The following MYO1E variants were observed in gnomAD, a reference collection of about 807,000 sequenced individuals.
MYO1E encodes the protein unconventional myosin-Ie.
MYO1E carries 68 observed loss-of-function variants against 151.1 expected under a neutral mutation model. The observed-to-expected ratio is 0.45, with a 90% CI of 0.37 to 0.55. MYO1E has a LOEUF of 0.55. Ranked by LOEUF, MYO1E falls within the 20% of genes least tolerant of loss-of-function variation. The probability of loss-of-function intolerance (pLI) is 0.00; values close to 1 mark genes in which losing one functional copy is unlikely to be tolerated. For synonymous variants in MYO1E, 601 were observed against 501.7 expected, an observed-to-expected ratio of 1.20 and a Z score of -2.64; for missense variants, 1,363 against 1,389.3, an observed-to-expected ratio of 0.98 and a Z score of 0.30.
intron 16 of MYO1E, among the ~76,000 whole-genome samples, chr15:59,197,077 C>A (rs2140331069): frequency 7.6e-6 from 1 of 130,726 alleles, no homozygotes; most frequent in East Asian, 2.9e-4. Flanking sequence ...ATTGCAACCT[C>A]TGCCTCCCGA....
At chr15:59,347,090 C>CG (rs1313233717) in intron 1 of MYO1E, among the ~76,000 whole-genome samples, 2 of 152,106 alleles carry the variant, frequency 1.3e-5, no homozygotes, top group African/African-American at 4.8e-5. Flanking sequence ...TTCCCAACCC[C>CG]GGGGCCATGG....
intron 1 of MYO1E, among the ~76,000 whole-genome samples, chr15:59,288,293 G>C (rs111805425): frequency 3.9e-5 from 6 of 151,924 alleles, no homozygotes; most frequent in Admixed American, 1.3e-4. Flanking sequence ...CTTCTGCCTC[G>C]GCCTACCGAG....
chr15:59,215,457 C>T (rs1182688489), intron 10 of MYO1E, among the ~76,000 whole-genome samples: 1 of 151,976 alleles, frequency 6.6e-6, no homozygotes, highest in African/African-American at 2.4e-5. Flanking sequence ...CAGTATGATG[C>T]CTAAATCTGT....
At chr15:59,293,289 A>G (rs186380069) in intron 1 of MYO1E, among the ~76,000 whole-genome samples, 1 of 152,266 alleles carries the variant, frequency 6.6e-6, no homozygotes, top group East Asian at 1.9e-4. Context: ...AACTCATTCA[A>G]TTGTCCCAAC....
intron 6 of MYO1E, among the ~76,000 whole-genome samples, chr15:59,230,773 A>G (rs757753579): frequency 1.3e-5 from 2 of 152,238 alleles, no homozygotes; most frequent in African/African-American, 2.4e-5. Context: ...CTTCTTTCCA[A>G]AATAGACAGT....
At position 59,236,363 on chromosome 15, in the gene MYO1E, A is replaced by AAATATAT. The variant is rs1387709265; in HGVS notation, c.420+221_420+222insATATATT. On this transcript the variant is annotated intron_variant, in intron 5 of 27. Transcript: ENST00000288235. ...TCTGTCTCAAAAAAGAAAAAAAAAAAATATATACACACACACACACACACA... is the reference window on the plus strand; with the variant it reads ...TCTGTCTCAAAAAAGAAAAAAAAAAAAATATATATATATACACACACACACACACACA... 1.9e-3 allele frequency among the ~76,000 whole-genome samples: 114 copies of AAATATAT among 60,812 alleles called. 1 individual carries two copies. The East Asian group carries it at 0.021, about 11-fold the overall frequency. The allele number at this position is 60,812 out of a possible 152,430, so 39.9% of individuals were successfully genotyped here.
intron 1 of MYO1E, among the ~76,000 whole-genome samples, chr15:59,323,748 C>T (rs1245796304): frequency 6.6e-6 from 1 of 151,990 alleles, no homozygotes; most frequent in Non-Finnish European, 1.5e-5. Context: ...GCTACAGGGC[C>T]CCAGCACACT....
intron 1 of MYO1E, among the ~76,000 whole-genome samples, chr15:59,345,522 T>G (rs1023736952): frequency 2.0e-5 from 3 of 152,214 alleles, no homozygotes; most frequent in Non-Finnish European, 4.4e-5. Context: ...TTGCCCAGCT[T>G]TACCAGCTTA....
chr15:59,279,241 T>A (rs1169361097), intron 1 of MYO1E, among the ~76,000 whole-genome samples: 1 of 152,198 alleles, frequency 6.6e-6, no homozygotes. Context: ...CCAGGTCTAC[T>A]GTGGGTCCAG....
rs753956205 is a variant in MYO1E at position 59,224,765 on chromosome 15, T to G, written c.701A>C (p.Tyr234Ser). The change falls in exon 8 of 28, where the codon TAT (tyrosine) becomes TCT (serine). Residue 234 changes from tyrosine (Y) to serine (S), a missense_variant. Tyr to Ser is a moderately radical substitution (Grantham distance 144). Transcript: ENST00000288235. ...GCCCGAGAGGCTCAGGTAGTAATAA[T>G]AGTCCATGCTGGTGATGCCAAGGCT... The part of the protein sequence containing the change: ...KHSLGITSMD[Y>S]YYYLSLSGSY... The G allele has an allele frequency of 1.2e-6, 2 of 1,614,154 alleles. No individual in the cohort carries two copies. Among genetic ancestry groups the G allele is most frequent in the Non-Finnish European group, 1.7e-6 (2 of 1,180,008 alleles).
At chr15:59,330,319 T>C (rs1294619535) in intron 1 of MYO1E, among the ~76,000 whole-genome samples, 1 of 152,164 alleles carries the variant, frequency 6.6e-6, no homozygotes, top group African/African-American at 2.4e-5. Context: ...TAAGGTAAAC[T>C]TCCCTCTCCT....
At chr15:59,259,389 T>TA (rs2080212512) in intron 3 of MYO1E, among the ~76,000 whole-genome samples, 1 of 152,218 alleles carries the variant, frequency 6.6e-6, no homozygotes, top group East Asian at 1.9e-4. Context: ...TGGTCTGGTC[T>TA]GTTAGGGGCT....
chr15:59,275,080 T>C (rs1400506631), intron 1 of MYO1E, among the ~76,000 whole-genome samples: 1 of 152,178 alleles, frequency 6.6e-6, no homozygotes, highest in African/African-American at 2.4e-5. Flanking sequence ...AACTGAGATC[T>C]CCCGACTAGT....
chr15:59,333,654 C>T (rs1332592344), intron 1 of MYO1E, among the ~76,000 whole-genome samples: 8 of 152,164 alleles, frequency 5.3e-5, no homozygotes, highest in Non-Finnish European at 1.0e-4. Context: ...AGTGGGTATC[C>T]TTCCTCTGAG....
chr15:59,211,071 G>A (rs780736207), intron 12 of MYO1E, among the ~76,000 whole-genome samples: 16 of 152,044 alleles, frequency 1.1e-4, no homozygotes, highest in East Asian at 1.9e-4. Flanking sequence ...GTGGTGGGGC[G>A]CGCCTGTAAT....
chr15:59,366,432 T>C (rs1184830084), intron 1 of MYO1E, among the ~76,000 whole-genome samples: 1 of 152,020 alleles, frequency 6.6e-6, no homozygotes, highest in Admixed American at 6.6e-5. Flanking sequence ...GGGACTATAG[T>C]GCATGACACC....
intron 4 of MYO1E, among the ~76,000 whole-genome samples, chr15:59,248,872 C>G (rs1432791929): frequency 3.3e-5 from 5 of 152,222 alleles, no homozygotes; most frequent in African/African-American, 1.2e-4. Flanking sequence ...ATCCAGCGTT[C>G]TCGTGGTAAT....
intron 1 of MYO1E, among the ~76,000 whole-genome samples, chr15:59,286,111 G>C (rs190788198): frequency 7.3e-4 from 111 of 152,326 alleles, no homozygotes; most frequent in Non-Finnish European, 7.8e-4. Flanking sequence ...ATGGAACAAA[G>C]AAACTCTAAT....
intron 17 of MYO1E, among the ~76,000 whole-genome samples, chr15:59,189,469 G>A (rs1487898748): frequency 5.3e-5 from 8 of 151,544 alleles, no homozygotes; most frequent in Admixed American, 2.6e-4. Context: ...ATCCAGGCTG[G>A]AGTGGAGTGG....
Sources: allele counts gnomAD v4.1 joint callset (sites outside exome capture counted in the v4.1 genomes callset), GRCh38; gene constraint gnomAD v4.1.1; transcripts MANE v1.5; gene names NCBI Gene and HGNC (gene_info 2026-07-23, HGNC 2026-07-21).